Variants in IGSF21 observed in about 807,000 individuals in gnomAD.
The protein encoded by IGSF21 is immunoglobulin superfamily member 21.
In IGSF21, 28 loss-of-function variants were observed where a neutral mutation model predicts 46.8. The observed-to-expected ratio is 0.60, with a 90% CI of 0.44 to 0.82. IGSF21 has a LOEUF of 0.82. Among genes scored for constraint, IGSF21 ranks in the 40% least tolerant of loss-of-function variants. IGSF21 has a pLI of 0.00. For missense variants in IGSF21, 624 were observed against 665.5 expected, an observed-to-expected ratio of 0.94 and a Z score of 0.69; for synonymous variants, 284 against 273.6, an observed-to-expected ratio of 1.04 and a Z score of -0.38.
chr1:18,223,411 GT>G (rs2084530279), intron 1 of IGSF21, among the ~76,000 whole-genome samples: 1 of 150,762 alleles, frequency 6.6e-6, no homozygotes, highest in African/African-American at 2.5e-5. Flanking sequence ...GCTCCAGCCA[GT>G]AGCAAGAAGT....
intron 1 of IGSF21, among the ~76,000 whole-genome samples, chr1:18,216,950 G>T (rs1412823068): frequency 1.3e-5 from 2 of 152,186 alleles, no homozygotes; most frequent in Non-Finnish European, 2.9e-5. Flanking sequence ...TCATGAGATA[G>T]GGGTGACCTC....
intron 1 of IGSF21, among the ~76,000 whole-genome samples, chr1:18,198,380 G>A (rs12089961): frequency 0.05 from 7,642 of 152,238 alleles, 563 homozygotes; most frequent in African/African-American, 0.16. Flanking sequence ...ACATGGGCCC[G>A]TAGGGTGGCC....
intron 3 of IGSF21, among the ~76,000 whole-genome samples, chr1:18,303,476 A>G (rs2085381504): frequency 6.6e-6 from 1 of 152,172 alleles, no homozygotes; most frequent in African/African-American, 2.4e-5. Flanking sequence ...ACCTCTGGGT[A>G]GTGGCTTGCC....
Position 18,335,520 on chromosome 1 carries a change from G to A in IGSF21, c.424+510G>A, listed in dbSNP as rs184696228. 6.6e-6 allele frequency among the ~76,000 whole-genome samples: 1 copy of A among 152,242 alleles called. No homozygotes were observed. Among genetic ancestry groups the A allele is most frequent in the Admixed American group, 6.5e-5 (1 of 15,292 alleles). On this transcript the variant is annotated intron_variant, in intron 4 of 9. Coordinates refer to ENST00000251296, the MANE Select transcript of IGSF21 (RefSeq NM_032880.5). The surrounding 1 kb of genome is among the most constrained non-coding windows in gnomAD (Gnocchi z 4.8). ...TACTGGTGTCTGTCTCTAGCTGGCT[G>A]GGTCCTTGGGTAAGTCTATCCCCAT...
intron 3 of IGSF21, among the ~76,000 whole-genome samples, chr1:18,326,311 G>T (rs893584819): frequency 1.3e-5 from 2 of 152,202 alleles, no homozygotes; most frequent in South Asian, 4.1e-4. Flanking sequence ...TGCATGGCAG[G>T]CGCAGAAACA....
intron 2 of IGSF21, among the ~76,000 whole-genome samples, chr1:18,240,402 C>A (rs2084715360): frequency 6.6e-6 from 1 of 152,236 alleles, no homozygotes; most frequent in Non-Finnish European, 1.5e-5. Flanking sequence ...ATAAATGCTT[C>A]TTTCAAATTG....
chr1:18,116,221 A>G (rs1024947625), intron 1 of IGSF21, among the ~76,000 whole-genome samples: 3 of 152,170 alleles, frequency 2.0e-5, no homozygotes, highest in African/African-American at 7.2e-5. Flanking sequence ...TCGGCAAACT[A>G]TACATTGGGG....
At chr1:18,236,300 C>T (rs1331160477) in intron 2 of IGSF21, among the ~76,000 whole-genome samples, 1 of 152,184 alleles carries the variant, frequency 6.6e-6, no homozygotes, top group Non-Finnish European at 1.5e-5. Flanking sequence ...ATCCTCTTGC[C>T]TGCCACCATG....
intron 3 of IGSF21, among the ~76,000 whole-genome samples, chr1:18,317,747 G>A (rs1016487172): frequency 3.9e-5 from 6 of 152,216 alleles, no homozygotes; most frequent in Non-Finnish European, 7.3e-5. Flanking sequence ...GAACACCAAT[G>A]CCAATGCATG....
At chr1:18,113,089 C>A (rs897354753) in intron 1 of IGSF21, 8 of 152,170 alleles carry the variant, frequency 5.3e-5, no homozygotes, top group South Asian at 2.1e-4. Context: ...AGGTCTGAAG[C>A]AATCCAGAGA....
intron 1 of IGSF21, among the ~76,000 whole-genome samples, chr1:18,152,215 GC>G (rs2086527329): frequency 6.6e-6 from 1 of 152,198 alleles, no homozygotes; most frequent in Non-Finnish European, 1.5e-5. Flanking sequence ...CAGTGCTCCT[GC>G]CCTCCTGGAG....
chr1:18,331,266 C>A (rs1418479874), intron 3 of IGSF21, among the ~76,000 whole-genome samples: 3 of 152,068 alleles, frequency 2.0e-5, no homozygotes, highest in Non-Finnish European at 4.4e-5. Context: ...CCCCTCCCAC[C>A]TTTTCCCCCA....
chr1:18,224,235 T>G (rs1044854226), intron 1 of IGSF21, among the ~76,000 whole-genome samples: 5 of 151,980 alleles, frequency 3.3e-5, no homozygotes, highest in Non-Finnish European at 7.4e-5. Context: ...GGCTCCAGAG[T>G]GTAAAATATG....
intron 4 of IGSF21, among the ~76,000 whole-genome samples, chr1:18,359,473 AAGGAAGGAAG>A (rs2086075869): frequency 1.6e-5 from 1 of 61,480 alleles, no homozygotes; most frequent in African/African-American, 7.0e-5. Context: ...GGAAGGAAGG[AAGGAAGGAAG>A]GAAGGAAGGA....
At chr1:18,296,236 C>T (rs1005991972) in intron 3 of IGSF21, among the ~76,000 whole-genome samples, 1 of 152,140 alleles carries the variant, frequency 6.6e-6, no homozygotes, top group Admixed American at 6.5e-5. Flanking sequence ...CTCCTAAATC[C>T]TTGTTTCAAG....
chr1:18,115,904 G>GA (rs1491501616), intron 1 of IGSF21: 1 of 111,446 alleles, frequency 9.0e-6, no homozygotes, highest in Non-Finnish European at 1.9e-5. Context: ...AAAGAAAGAA[G>GA]GAGAGGGAGG....
chr1:18,291,983 G>C lies in IGSF21; in HGVS notation c.301G>C (p.Val101Leu). The C allele has an allele frequency of 6.2e-7, 1 of 1,613,452 alleles. No individual in the cohort carries two copies. Among genetic ancestry groups the C allele is most frequent in the South Asian group, 1.1e-5 (1 of 91,008 alleles). Residue 101 changes from valine (V) to leucine (L), a missense_variant, in exon 3 of 10, where the codon GTG becomes CTG. By Grantham distance (32) the Val-to-Leu change is conservative (BLOSUM62 1). Transcript: ENST00000251296. ...AGAGGACCTGGTGTACCAGTCCACT[G>C]TGAGGTGAGTGCCTGGGGGTGGCGG... is the stretch of plus-strand genomic sequence containing the variant. ...KREDLVYQST[V>L]RLPEVRISDN...
At chr1:18,255,253 A>C (rs2084880166) in intron 2 of IGSF21, among the ~76,000 whole-genome samples, 1 of 151,902 alleles carries the variant, frequency 6.6e-6, no homozygotes, top group African/African-American at 2.4e-5. Flanking sequence ...TTCACTCTGC[A>C]CTCCCCTGGG....
intron 1 of IGSF21, among the ~76,000 whole-genome samples, chr1:18,215,753 G>A (rs754015853): frequency 1.1e-4 from 17 of 152,124 alleles, no homozygotes; most frequent in Admixed American, 1.0e-3. Flanking sequence ...TTTTGTATAG[G>A]GGTCAGGGGT....
Sources: gnomAD v4.1 joint callset for allele counts (sites outside exome capture counted in the v4.1 genomes callset) on GRCh38, gnomAD v4.1.1 for gene constraint, Gnocchi (gnomAD v3.1) non-coding constraint, MANE v1.5 for transcripts, NCBI Gene and HGNC (gene_info 2026-07-23, HGNC 2026-07-21) for gene names.